The following ADAMTS19 variants were observed in gnomAD, a reference collection of about 807,000 sequenced individuals.
ADAMTS19 encodes A disintegrin and metalloproteinase with thrombospondin motifs 19.
ADAMTS19 carries 93 observed loss-of-function variants against 153.3 expected under a neutral mutation model. The ratio of observed to expected loss-of-function variants is 0.61; its 90% confidence interval spans 0.51 to 0.72. The LOEUF is 0.72. ADAMTS19 is among the 30% of genes least tolerant of loss of function. The pLI is 0.00. For missense variants in ADAMTS19, 1,482 were observed against 1,552.1 expected (o/e 0.95, Z 0.76); for synonymous variants, 600 against 556.6 (o/e 1.08, Z -1.10).
intron 3 of ADAMTS19, among the ~76,000 whole-genome samples, chr5:129,520,065 T>C (rs1751743928): frequency 2.0e-5 from 3 of 152,174 alleles, no homozygotes; most frequent in African/African-American, 7.2e-5. Context: ...ATCAGCATTT[T>C]AAACATGGAC....
chr5:129,549,007 C>T lies in ADAMTS19; in HGVS notation c.1329-2857C>T, dbSNP rs565315787. Among the ~76,000 whole-genome samples, 92 of 116,802 alleles carry T rather than the reference C, an allele frequency of 7.9e-4. 2 individuals carry two copies. In the South Asian group the frequency reaches 0.026, roughly 33 times the overall value. The allele number at this position is 116,802 out of a possible 152,430, so 76.6% of individuals were successfully genotyped here. A position where few individuals can be genotyped will look rare whatever the true frequency, so the allele number is the denominator to read the frequency against. The stretch of plus-strand genomic sequence containing the variant: ...CACATGGACACAGGAAGGGGAGCAT[C>T]ACACTCCGAGTACTGTTGTGGGGTG... On this transcript the variant is annotated intron_variant, in intron 6 of 22. Transcript: ENST00000274487.
intron 2 of ADAMTS19, among the ~76,000 whole-genome samples, chr5:129,495,614 A>G (rs10214155): frequency 0.13 from 20,063 of 151,862 alleles, 1,612 homozygotes; most frequent in African/African-American, 0.22. Context: ...AGTAGTGATT[A>G]CTCTACTGGT....
chr5:129,582,307 A>T (rs189183297), intron 7 of ADAMTS19, among the ~76,000 whole-genome samples: 28 of 151,548 alleles, frequency 1.8e-4, no homozygotes, highest in African/African-American at 6.1e-4. Flanking sequence ...TATTTAGGAT[A>T]GTTAGCTCTT....
At chr5:129,652,422 G>A (rs1395637832) in intron 13 of ADAMTS19, among the ~76,000 whole-genome samples, 1 of 152,200 alleles carries the variant, frequency 6.6e-6, no homozygotes. Flanking sequence ...TTAGAGAAAA[G>A]ACATGCATGG....
intron 7 of ADAMTS19, among the ~76,000 whole-genome samples, chr5:129,568,307 G>T (rs1753781641): frequency 6.6e-6 from 1 of 152,062 alleles, no homozygotes; most frequent in Non-Finnish European, 1.5e-5. Context: ...AACATTGTCT[G>T]TTGGAGTCCA....
intron 6 of ADAMTS19, among the ~76,000 whole-genome samples, chr5:129,549,710 T>G (rs972210792): frequency 1.5e-4 from 23 of 151,076 alleles, no homozygotes; most frequent in Non-Finnish European, 2.8e-4. Context: ...CTAAATGTAA[T>G]GAGCATATAT....
intron 6 of ADAMTS19, among the ~76,000 whole-genome samples, chr5:129,536,453 C>T (rs374489602): frequency 6.6e-6 from 1 of 152,172 alleles, no homozygotes; most frequent in South Asian, 2.1e-4. Flanking sequence ...AACACTTTTA[C>T]ACTGTTGGTG....
At chr5:129,464,029 G>A (rs1005294137) in intron 2 of ADAMTS19, among the ~76,000 whole-genome samples, 1 of 152,118 alleles carries the variant, frequency 6.6e-6, no homozygotes, top group Non-Finnish European at 1.5e-5. Flanking sequence ...AGAAGAAGTT[G>A]AACTGGATTT....
intron 7 of ADAMTS19, among the ~76,000 whole-genome samples, chr5:129,565,819 G>T (rs908035880): frequency 6.6e-6 from 1 of 152,016 alleles, no homozygotes; most frequent in Non-Finnish European, 1.5e-5. Flanking sequence ...AGGGAAAAAA[G>T]GTCTGCCATC....
intron 10 of ADAMTS19, among the ~76,000 whole-genome samples, chr5:129,630,248 T>C (rs556356470): frequency 2.6e-5 from 4 of 152,166 alleles, no homozygotes; most frequent in African/African-American, 9.6e-5. Context: ...TGAAGAACTA[T>C]AGAAGGCCTA....
Position 129,579,878 on chromosome 5 carries a change from C to T in ADAMTS19, c.1373-16681C>T, listed in dbSNP as rs565435692. ...TTGAAGACAGGTAGCATGACGCCTC[C>T]AGCTTTGTTCTTTTTGCTTAGGATT... On this transcript the variant is annotated intron_variant, in intron 7 of 22. Coordinates refer to ENST00000274487, the MANE Select transcript of ADAMTS19 (RefSeq NM_133638.6). Among the ~76,000 whole-genome samples, 18 of 152,238 alleles carry T rather than the reference C, an allele frequency of 1.2e-4. No individual in the cohort carries two copies. The East Asian group carries it at 3.5e-3, about 29-fold the overall frequency.
chr5:129,570,804 C>CTA, intron 7 of ADAMTS19, among the ~76,000 whole-genome samples: 1 of 151,854 alleles, frequency 6.6e-6, no homozygotes, highest in South Asian at 2.1e-4. Flanking sequence ...CATTAAAAGT[C>CTA]TAAAGAAAAT....
intron 10 of ADAMTS19, among the ~76,000 whole-genome samples, chr5:129,629,555 C>A (rs895238447): frequency 2.0e-5 from 3 of 152,172 alleles, no homozygotes; most frequent in African/African-American, 4.8e-5. Context: ...AGAGGCTCAG[C>A]ATTATTGCAT....
chr5:129,484,995 C>G (rs1750544180), intron 2 of ADAMTS19, among the ~76,000 whole-genome samples: 1 of 152,026 alleles, frequency 6.6e-6, no homozygotes, highest in South Asian at 2.1e-4. Context: ...AAAATTTAAA[C>G]AGGGAAAACA....
chr5:129,587,281 C>A (rs575422825), intron 7 of ADAMTS19, among the ~76,000 whole-genome samples: 248 of 151,424 alleles, frequency 1.6e-3, no homozygotes, highest in African/African-American at 5.9e-3. Flanking sequence ...AATCCCAATT[C>A]TTTGAGAGTT....
At chr5:129,613,480 A>C (rs184763442) in intron 8 of ADAMTS19, among the ~76,000 whole-genome samples, 77 of 152,312 alleles carry the variant, frequency 5.1e-4, no homozygotes, top group African/African-American at 1.5e-3. Flanking sequence ...ATGTTCTTTG[A>C]AACCAACGAG....
chr5:129,531,666 CATT>C (rs1752211241), intron 6 of ADAMTS19, among the ~76,000 whole-genome samples: 7 of 152,106 alleles, frequency 4.6e-5, no homozygotes, highest in African/African-American at 1.7e-4. Flanking sequence ...AAAATCTTCC[CATT>C]CTGTCACAGG....
chr5:129,575,896 A>G (rs1043105587), intron 7 of ADAMTS19, among the ~76,000 whole-genome samples: 5 of 152,130 alleles, frequency 3.3e-5, no homozygotes, highest in African/African-American at 1.2e-4. Flanking sequence ...AAGCCATCCA[A>G]TAATCTACCC....
intron 2 of ADAMTS19, among the ~76,000 whole-genome samples, chr5:129,508,211 A>C (rs1751326513): frequency 6.6e-6 from 1 of 151,976 alleles, no homozygotes; most frequent in Non-Finnish European, 1.5e-5. Flanking sequence ...ATTTATTCAA[A>C]ACTATTTGCT....
Sources: allele counts gnomAD v4.1 joint callset (sites outside exome capture counted in the v4.1 genomes callset), GRCh38; gene constraint gnomAD v4.1.1; transcripts MANE v1.5; gene names NCBI Gene and HGNC (gene_info 2026-07-23, HGNC 2026-07-21).